The following LRBA variants were observed in gnomAD, a reference collection of about 807,000 sequenced individuals.
LRBA encodes LPS responsive beige-like anchor protein, also known as lipopolysaccharide-responsive and beige-like anchor protein.
A neutral mutation model predicts 330.0 loss-of-function variants in LRBA; 176 were observed. The observed-to-expected ratio is 0.53, with a 90% CI of 0.47 to 0.60. The LOEUF is 0.60. Ranked by LOEUF, LRBA falls within the 20% of genes least tolerant of loss-of-function variation. The pLI, the probability that LRBA is intolerant of heterozygous loss-of-function variation, is 0.00. For missense variants in LRBA, 3,259 were observed against 3,444.8 expected (o/e 0.95, Z 1.35); for synonymous variants, 1,230 against 1,193.0 (o/e 1.03, Z -0.64).
chr4:150,755,622 C>T (rs934684592), intron 35 of LRBA, among the ~76,000 whole-genome samples: 1 of 152,100 alleles, frequency 6.6e-6, no homozygotes, highest in Non-Finnish European at 1.5e-5. Context: ...TAGTCTACTA[C>T]TTCCCTGATT....
At chr4:150,988,622 A>C (rs1741716264) in intron 2 of LRBA, among the ~76,000 whole-genome samples, 1 of 151,928 alleles carries the variant, frequency 6.6e-6, no homozygotes, top group Non-Finnish European at 1.5e-5. Context: ...CTCTGTCACC[A>C]GGCTGGAGTG....
intron 31 of LRBA, 98 bp downstream of exon 31, chr4:150,817,026 C>T (rs1744697468): frequency 2.0e-6 from 2 of 1,007,578 alleles, no homozygotes; most frequent in Admixed American, 3.9e-5. Context: ...ACAATGGTTT[C>T]TAATGTGCCC....
At chr4:150,831,716 C>A in intron 29 of LRBA, 101 bp downstream of exon 29, 17 of 921,156 alleles carry the variant, frequency 1.8e-5, no homozygotes, top group Non-Finnish European at 2.7e-5. Context: ...CCTTAATTTG[C>A]ACAGAAATGG....
At chr4:150,461,606 C>T (rs1163704240) in intron 44 of LRBA, among the ~76,000 whole-genome samples, 4 of 151,602 alleles carry the variant, frequency 2.6e-5, no homozygotes, top group Non-Finnish European at 5.9e-5. Context: ...TTACCACACA[C>T]AAAACACTTA....
chr4:150,970,856 G>A (rs368468204), intron 2 of LRBA: 31 of 152,080 alleles, frequency 2.0e-4, no homozygotes, highest in East Asian at 1.5e-3. Context: ...ACTGCATTTG[G>A]TGAGCACCTA....
chr4:150,423,734 C>T (rs1749148128), intron 46 of LRBA: 1 of 187,570 alleles, frequency 5.3e-6, no homozygotes, highest in African/African-American at 2.4e-5. Flanking sequence ...TTTCTCAGCG[C>T]CACGGCACAC....
intron 37 of LRBA, among the ~76,000 whole-genome samples, chr4:150,661,260 CAGG>C (rs1320808465): frequency 6.6e-6 from 1 of 151,416 alleles, no homozygotes; most frequent in Non-Finnish European, 1.5e-5. Flanking sequence ...CACCTGAGGT[CAGG>C]AGTTCATGAC....
At chr4:150,717,213 G>A (rs1728315846) in intron 36 of LRBA, among the ~76,000 whole-genome samples, 1 of 152,060 alleles carries the variant, frequency 6.6e-6, no homozygotes, top group Non-Finnish European at 1.5e-5. Flanking sequence ...GGACTGTTAT[G>A]ATAATTTATT....
intron 47 of LRBA, among the ~76,000 whole-genome samples, chr4:150,413,162 G>GACC (rs1451800362): frequency 1.3e-5 from 2 of 151,880 alleles, no homozygotes. Context: ...AAATAACAAT[G>GACC]ACCTACCTAC....
chr4:150,838,833 C>T (rs1262964239), intron 28 of LRBA, among the ~76,000 whole-genome samples: 14 of 152,136 alleles, frequency 9.2e-5, no homozygotes, highest in Non-Finnish European at 2.9e-5. Context: ...CCATTGCTGG[C>T]AAGGAGTGGC....
intron 2 of LRBA, among the ~76,000 whole-genome samples, chr4:150,997,659 CATGACTCCTTTATATTATCCT>C (rs1742820884): frequency 6.6e-6 from 1 of 151,926 alleles, no homozygotes; most frequent in South Asian, 2.1e-4. Flanking sequence ...GGGAAAAAAA[CATGACTCCTTTATATTATCCT>C]AAAACATTCT....
intron 42 of LRBA, among the ~76,000 whole-genome samples, chr4:150,473,500 G>A (rs1227014495): frequency 6.6e-6 from 1 of 152,124 alleles, no homozygotes; most frequent in Non-Finnish European, 1.5e-5. Flanking sequence ...CTCCAGTATG[G>A]TGAGCATCAT....
chr4:150,978,021 C>T (rs1740398560), intron 2 of LRBA, among the ~76,000 whole-genome samples: 1 of 152,176 alleles, frequency 6.6e-6, no homozygotes, highest in Non-Finnish European at 1.5e-5. Context: ...ATGGTAGAGC[C>T]CTAGGGCCTT....
chr4:150,285,667 T>TGA (rs1168372323), intron 54 of LRBA, among the ~76,000 whole-genome samples: 1 of 152,224 alleles, frequency 6.6e-6, no homozygotes, highest in Non-Finnish European at 1.5e-5. Context: ...CTTTCTACAA[T>TGA]GATGGAAATG....
At chr4:150,949,976 C>A (rs2088168193) in intron 2 of LRBA, among the ~76,000 whole-genome samples, 1 of 152,154 alleles carries the variant, frequency 6.6e-6, no homozygotes, top group African/African-American at 2.4e-5. Flanking sequence ...TGACTCACAT[C>A]TAATACTTGC....
chr4:150,559,883 A>AATTATAT (rs1561352494), intron 40 of LRBA, among the ~76,000 whole-genome samples: 1 of 17,280 alleles, frequency 5.8e-5, no homozygotes, highest in African/African-American at 1.5e-4. Context: ...AATTATATAT[A>AATTATAT]ATTATATATA....
chr4:150,898,318 C>G (rs193290919), intron 14 of LRBA, among the ~76,000 whole-genome samples: 23 of 152,136 alleles, frequency 1.5e-4, no homozygotes, highest in African/African-American at 4.8e-4. Context: ...CGATATCATT[C>G]ATGAAGAAGG....
At chr4:150,590,885 T>C (rs1772739109) in intron 38 of LRBA, 26 bp from the exon 39 acceptor site, 2 of 1,611,826 alleles carry the variant, frequency 1.2e-6, no homozygotes, top group South Asian at 2.2e-5. Flanking sequence ...AACAAAGCTG[T>C]CCATCAGTTC....
At chr4:150,297,363 G>A (rs1580935582) in intron 53 of LRBA, among the ~76,000 whole-genome samples, 1 of 152,150 alleles carries the variant, frequency 6.6e-6, no homozygotes, top group East Asian at 1.9e-4. Context: ...TGGAACTTGA[G>A]GGCCTGCATT....
Sources: allele counts gnomAD v4.1 joint callset (sites outside exome capture counted in the v4.1 genomes callset), GRCh38; gene constraint gnomAD v4.1.1; transcripts MANE v1.5; gene names NCBI Gene and HGNC (gene_info 2026-07-23, HGNC 2026-07-21).